KANK3: variants seen among roughly 807,000 people sequenced by gnomAD.
KANK3 encodes KN motif and ankyrin repeat domains 3.
A neutral mutation model predicts 65.4 loss-of-function variants in KANK3; 61 were observed. The observed-to-expected ratio is 0.93, with a 90% CI of 0.76 to 1.15. The LOEUF (loss-of-function observed/expected upper bound fraction) is 1.15, where lower values mean the gene tolerates loss of function less well. KANK3 is among the 50% of genes most tolerant of loss of function. The pLI, the probability that KANK3 is intolerant of heterozygous loss-of-function variation, is 0.00. For missense variants in KANK3, 1,187 were observed against 1,178.8 expected, an observed-to-expected ratio of 1.01 and a Z score of -0.10; for synonymous variants, 586 against 543.3, an observed-to-expected ratio of 1.08 and a Z score of -1.09.
intron 2 of KANK3, among the ~76,000 whole-genome samples, 199 bp downstream of exon 2, chr19:8,337,596 G>A (rs192865396): frequency 3.3e-5 from 5 of 151,510 alleles, no homozygotes; most frequent in East Asian, 3.9e-4. Context: ...TCCGCCCACC[G>A]TGGCCTCCCA....
Position 8,333,741 on chromosome 19 carries a change from C to G in KANK3, c.1702G>C (p.Gly568Arg). The change falls in exon 6 of 11, where the codon GGA becomes CGA. Residue 568 changes from glycine (G) to arginine (R), a missense_variant. Transcript: ENST00000330915. This position sits in a 1 kb window ranked among gnomAD's most constrained non-coding sequence, Gnocchi z 5.0. The part of the protein sequence containing the change: ...ALQRQLSRPR[G>R]VASDGGAVRL... Reference sequence around the variant, plus strand: ...GCACTCACGCCGTCGCTGGCTACTCCGCGGGGCCGGCTCAGCTGCCGCTGC... The same window carrying G: ...GCACTCACGCCGTCGCTGGCTACTCGGCGGGGCCGGCTCAGCTGCCGCTGC... 6.8e-7 allele frequency: 1 copy of G among 1,471,192 alleles called. No individual in the cohort carries two copies. The highest frequency in any genetic ancestry group is 1.3e-5 in the South Asian group (1 of 74,246). The allele number at this position is 1,471,192 out of a possible 1,614,324, so 91.1% of individuals were successfully genotyped here.
rs1970557769 is a variant in KANK3 at position 8,333,084 on chromosome 19, G to A, written c.1866C>T (p.Asn622=). The A allele has an allele frequency of 6.2e-7, 1 of 1,606,468 alleles. No homozygotes were observed. Residue 622 remains asparagine (N), a synonymous_variant, in exon 7 of 11, where the codon AAC becomes AAT. Coordinates refer to ENST00000330915, the MANE Select transcript of KANK3 (RefSeq NM_198471.3). The surrounding 1 kb of genome is among the most constrained non-coding windows in gnomAD (Gnocchi z 5.0). ...CACTGTAGTGCAGGGCCGTGTTCCC[G>A]TTGCCATCCGCCAGGTTCACCACGT... The part of the protein sequence containing the change: ...LAHVVNLADG[N]GNTALHYSVS...
Position 8,340,636 on chromosome 19 carries a change from T to C in KANK3, c.-29+2589A>G, listed in dbSNP as rs79965426. ...CTTCTCGAATCCCTGGGACCACCTG[T>C]GTGCCTGATGCTATGAAGCACTGAG... On this transcript the variant is annotated intron_variant, in intron 1 of 10. Coordinates refer to ENST00000330915, the MANE Select transcript of KANK3 (RefSeq NM_198471.3). Among the ~76,000 whole-genome samples the C allele has an allele frequency of 4.6e-4, 70 of 152,280 alleles. No homozygotes were observed. In the East Asian group the frequency reaches 0.012, roughly 26 times the overall value.
chr19:8,342,560 G>A lies in KANK3; in HGVS notation c.-29+665C>T, dbSNP rs573970286. On this transcript the variant is annotated intron_variant, in intron 1 of 10. Transcript: ENST00000330915. Reference sequence around the variant, plus strand: ...GACGCAGAGCTGTGATCACCAAACCGGAGTGGTGGGGGCCACGGCAGGCCA... The same window carrying A: ...GACGCAGAGCTGTGATCACCAAACCAGAGTGGTGGGGGCCACGGCAGGCCA... 1.9e-4 allele frequency among the ~76,000 whole-genome samples: 29 copies of A among 152,268 alleles called. No homozygotes were observed. The South Asian group carries it at 5.8e-3, about 30-fold the overall frequency.
chr19:8,336,217 C>T (rs1232739794), intron 2 of KANK3, among the ~76,000 whole-genome samples: 1 of 152,168 alleles, frequency 6.6e-6, no homozygotes, highest in Non-Finnish European at 1.5e-5. Flanking sequence ...AGGCGGATCA[C>T]CTGAGGTCAG....
At chr19:8,325,862 T>C (rs1466681619) in intron 7 of KANK3, among the ~76,000 whole-genome samples, 3 of 152,110 alleles carry the variant, frequency 2.0e-5, no homozygotes, top group East Asian at 3.9e-4. Context: ...AGTCTCATTC[T>C]GTCGCCCAGG....
At chr19:8,340,291 T>TATATATATACAC (rs1472181365) in intron 1 of KANK3, among the ~76,000 whole-genome samples, 1 of 92,870 alleles carries the variant, frequency 1.1e-5, no homozygotes, top group African/African-American at 4.4e-5. Flanking sequence ...TATATATATA[T>TATATATATACAC]ACACACACAC....
intron 7 of KANK3, among the ~76,000 whole-genome samples, chr19:8,331,478 T>G (rs1168332072): frequency 6.6e-6 from 1 of 151,906 alleles, no homozygotes; most frequent in Non-Finnish European, 1.5e-5. Flanking sequence ...GGGCAGGCAG[T>G]GGGACCCGCC....
intron 7 of KANK3, among the ~76,000 whole-genome samples, chr19:8,330,945 C>G (rs940907728): frequency 4.6e-5 from 7 of 151,724 alleles, no homozygotes; most frequent in Admixed American, 2.0e-4. Flanking sequence ...TGCTTGTAAT[C>G]CCAGCACTTT....
At chr19:8,328,621 G>A (rs532050712) in intron 7 of KANK3, among the ~76,000 whole-genome samples, 1 of 152,090 alleles carries the variant, frequency 6.6e-6, no homozygotes, top group Non-Finnish European at 1.5e-5. Context: ...GAAACGGAGA[G>A]GGAGCAGTGG....
At chr19:8,342,517 C>T (rs941255506) in intron 1 of KANK3, among the ~76,000 whole-genome samples, 2 of 152,198 alleles carry the variant, frequency 1.3e-5, no homozygotes, top group Non-Finnish European at 2.9e-5. Flanking sequence ...CCCTCTCCCG[C>T]CCCAGGGACT....
Position 8,333,351 on chromosome 19 carries a change from G to T in KANK3, c.1720-121C>A. On this transcript the variant is annotated intron_variant, in intron 6 of 10. Transcript: ENST00000330915. This position sits in a 1 kb window ranked among gnomAD's most constrained non-coding sequence, Gnocchi z 5.0. The stretch of plus-strand genomic sequence containing the variant: ...TTGGCGTTTCCAGGCAAGTAAGGAA[G>T]GTCACTCCTCGTCCAGGTGGGGAGC... The T allele has an allele frequency of 1.3e-6, 1 of 789,274 alleles. No homozygotes were observed. 48.9% of individuals were successfully genotyped at this position (789,274 alleles called of 1,614,324 possible).
At position 8,322,887 on chromosome 19, in the gene KANK3, A is replaced by G; in HGVS notation, c.2418T>C (p.Pro806=). The G allele has an allele frequency of 6.4e-7, 1 of 1,571,918 alleles. No homozygotes were observed. Residue 806 remains proline, a synonymous_variant, in exon 11 of 11, where the codon CCT becomes CCC. Transcript: ENST00000330915. The stretch of plus-strand genomic sequence containing the variant: ...CATTGTCACCGCATTCTCCTTCACC[A>G]GGTGTGGCTGTCTGGGAGCCAGGGG... ...ESPPGSQTAT[P]GEGECGDNGE... is the part of the protein sequence containing the mutation.
At chr19:8,332,793 G>A (rs1970549602) in intron 7 of KANK3, 1 of 221,336 alleles carries the variant, frequency 4.5e-6, no homozygotes. Context: ...CTCCTGCCTG[G>A]TGACAGTGTG....
chr19:8,335,519 G>T lies in KANK3; in HGVS notation c.308C>A (p.Pro103Gln). 1.6e-6 allele frequency: 2 copies of T among 1,228,748 alleles called. No individual in the cohort carries two copies. The highest frequency in any genetic ancestry group is 2.0e-6 in the Non-Finnish European group (2 of 978,470). 76.1% of individuals were successfully genotyped at this position (1,228,748 alleles called of 1,614,324 possible). The change falls in exon 3 of 11, where the codon CCG becomes CAG. Residue 103 changes from proline (P) to glutamine (Q), a missense_variant. Around this residue, in one of 3 missense-constraint regions of KANK3, gnomAD observed 1,078 missense variants for 1,038.2 expected, o/e 1.04. Transcript: ENST00000330915. Reference sequence around the variant, plus strand: ...GGGCGCGCCCTGGGAGAGTATGCCCGGTGCTCCACCGTCGTCACTGGCCAG... The same window carrying T: ...GGGCGCGCCCTGGGAGAGTATGCCCTGTGCTCCACCGTCGTCACTGGCCAG... ...ESLASDDGGA[P>Q]GILSQGAPSG...
chr19:8,336,971 C>A (rs909340793), intron 2 of KANK3, among the ~76,000 whole-genome samples: 4 of 151,970 alleles, frequency 2.6e-5, no homozygotes, highest in Non-Finnish European at 5.9e-5. Context: ...TGAGGGCTAC[C>A]TGGGGTGGCA....
intron 10 of KANK3, chr19:8,323,276 G>A (rs1278567366): frequency 5.6e-6 from 1 of 179,954 alleles, no homozygotes; most frequent in Non-Finnish European, 1.2e-5. Flanking sequence ...CCTGTAGTTG[G>A]GGAAACTCGT....
At chr19:8,330,249 G>C (rs182148153) in intron 7 of KANK3, among the ~76,000 whole-genome samples, 1 of 152,282 alleles carries the variant, frequency 6.6e-6, no homozygotes, top group Non-Finnish European at 1.5e-5. Context: ...GCAAGTACAG[G>C]CAGAGGGGAG....
Position 8,335,336 on chromosome 19 carries a change from G to C in KANK3, c.491C>G (p.Ser164Cys), listed in dbSNP as rs1316459435. ...GRGVPRSPRG[S>C]GRSSPAPNLA... ...GTTAGGGGCGGGGCTGCTGCGGCCG[G>C]ACCCGCGTGGGCTGCGCGGGACCCC... The change falls in exon 3 of 11, where the codon TCC becomes TGC. Residue 164 changes from serine (S) to cysteine (C), a missense_variant. Physicochemically the swap from Ser to Cys is moderately radical, Grantham distance 112 (BLOSUM62 -1). This residue lies in a region of KANK3 where 1,078 missense variants were observed against 1,038.2 expected (regional missense o/e 1.04). Transcript: ENST00000330915. 8.4e-7 allele frequency: 1 copy of C among 1,194,690 alleles called. No homozygotes were observed. Among genetic ancestry groups the C allele is most frequent in the Non-Finnish European group, 1.0e-6 (1 of 964,434 alleles). 74.0% of individuals were successfully genotyped at this position (1,194,690 alleles called of 1,614,324 possible).
Sources: allele counts gnomAD v4.1 joint callset (sites outside exome capture counted in the v4.1 genomes callset), GRCh38; gene constraint gnomAD v4.1.1; regional missense constraint gnomAD v4.1.1; non-coding constraint Gnocchi (gnomAD v3.1); transcripts MANE v1.5; gene names NCBI Gene and HGNC (gene_info 2026-07-23, HGNC 2026-07-21).